CALN1: variants seen among roughly 807,000 people sequenced by gnomAD.
The protein encoded by CALN1 is calcium-binding protein 8.
A neutral mutation model predicts 30.6 loss-of-function variants in CALN1; 17 were observed. The ratio of observed to expected loss-of-function variants is 0.56; its 90% confidence interval spans 0.38 to 0.83. The LOEUF (loss-of-function observed/expected upper bound fraction) is 0.83, where lower values mean the gene tolerates loss of function less well. CALN1 is among the 40% of genes least tolerant of loss of function. The pLI, the probability that CALN1 is intolerant of heterozygous loss-of-function variation, is 0.00. For missense variants in CALN1, 291 were observed against 354.9 expected (o/e 0.82, Z 1.45); for synonymous variants, 156 against 131.4 (o/e 1.19, Z -1.28).
At chr7:71,818,676 A>AT (rs1788406363) in intron 5 of CALN1, among the ~76,000 whole-genome samples, 1 of 3,476 alleles carries the variant, frequency 2.9e-4, no homozygotes, top group Non-Finnish European at 9.1e-4. Context: ...AGCTTATTTT[A>AT]TTTATTTATT....
At chr7:72,370,273 A>T (rs987770933) in intron 2 of CALN1, among the ~76,000 whole-genome samples, 11 of 152,084 alleles carry the variant, frequency 7.2e-5, no homozygotes, top group African/African-American at 2.4e-4. Context: ...TTTTTGCTGT[A>T]TATATTTTAC....
At chr7:72,443,792 T>C (rs1808435178) in intron 1 of CALN1, among the ~76,000 whole-genome samples, 1 of 151,830 alleles carries the variant, frequency 6.6e-6, no homozygotes, top group African/African-American at 2.4e-5. Context: ...AGAGACCCTC[T>C]GCAAATGTTA....
intron 3 of CALN1, among the ~76,000 whole-genome samples, chr7:72,275,777 T>C (rs1319018765): frequency 1.3e-5 from 2 of 152,232 alleles, no homozygotes; most frequent in African/African-American, 4.8e-5. Context: ...ATTTCAGTGC[T>C]TCTCAAGCTG....
At chr7:72,130,213 G>C (rs1018304192) in intron 3 of CALN1, among the ~76,000 whole-genome samples, 1 of 152,122 alleles carries the variant, frequency 6.6e-6, no homozygotes, top group African/African-American at 2.4e-5. Flanking sequence ...AGAATCATGA[G>C]CCATATAAAC....
At chr7:72,344,499 A>T (rs904589777) in intron 2 of CALN1, among the ~76,000 whole-genome samples, 1 of 150,456 alleles carries the variant, frequency 6.6e-6, no homozygotes, top group African/African-American at 2.4e-5. Context: ...TGCACAGAAT[A>T]TAATTCCAAT....
intron 2 of CALN1, among the ~76,000 whole-genome samples, chr7:72,349,555 G>A (rs1434244781): frequency 6.6e-6 from 1 of 152,102 alleles, no homozygotes; most frequent in East Asian, 1.9e-4. Flanking sequence ...AAGAGAAGAT[G>A]TAATACTAAC....
chr7:72,243,138 T>G (rs917264182), intron 3 of CALN1, among the ~76,000 whole-genome samples: 3 of 151,996 alleles, frequency 2.0e-5, no homozygotes, highest in Non-Finnish European at 4.4e-5. Context: ...GGTAATTAGG[T>G]TTAGATGAGG....
intron 3 of CALN1, among the ~76,000 whole-genome samples, chr7:72,186,119 G>C (rs989321864): frequency 2.0e-5 from 3 of 151,978 alleles, no homozygotes; most frequent in Non-Finnish European, 2.9e-5. Context: ...ATGGAGTGCT[G>C]GTCACCTCCA....
chr7:72,095,461 C>A (rs1035583034), intron 4 of CALN1, among the ~76,000 whole-genome samples: 1 of 152,132 alleles, frequency 6.6e-6, no homozygotes, highest in Non-Finnish European at 1.5e-5. Flanking sequence ...GAGTTTAATG[C>A]TAATTATGCT....
chr7:71,983,068 T>C lies in CALN1; in HGVS notation c.501+40589A>G, dbSNP rs567673417. Among the ~76,000 whole-genome samples the C allele has an allele frequency of 4.5e-4, 68 of 152,322 alleles. 1 individual carries two copies. In the South Asian group the frequency reaches 0.011, roughly 25 times the overall value. On this transcript the variant is annotated intron_variant, in intron 5 of 6. Coordinates refer to ENST00000395275, the MANE Select transcript of CALN1 (RefSeq NM_031468.4). The stretch of plus-strand genomic sequence containing the variant: ...AACATCACACCTGGTCCAACCAATC[T>C]GTGGGCCCTATGTAAATCATGCACT...
At chr7:72,423,262 A>G (rs1488596514) in intron 1 of CALN1, among the ~76,000 whole-genome samples, 1 of 151,874 alleles carries the variant, frequency 6.6e-6, no homozygotes, top group African/African-American at 2.4e-5. Flanking sequence ...TTTTCTTTCA[A>G]GTTTTAATTT....
intron 1 of CALN1, among the ~76,000 whole-genome samples, chr7:72,404,677 T>A (rs144531361): frequency 1.0e-3 from 159 of 152,278 alleles, no homozygotes; most frequent in African/African-American, 3.7e-3. Flanking sequence ...TTCTACTCTC[T>A]CGATTCTGGT....
At chr7:72,331,175 C>A (rs1301244665) in intron 2 of CALN1, among the ~76,000 whole-genome samples, 2 of 152,034 alleles carry the variant, frequency 1.3e-5, no homozygotes, top group Non-Finnish European at 1.5e-5. Flanking sequence ...TATGGTGAAA[C>A]CCCGTCTCTA....
intron 2 of CALN1, among the ~76,000 whole-genome samples, chr7:72,330,530 G>T (rs1366930759): frequency 6.0e-5 from 9 of 150,242 alleles, no homozygotes; most frequent in Non-Finnish European, 1.2e-4. Context: ...AGCAGTGCTT[G>T]CATCTGTCTC....
chr7:72,398,773 A>C (rs2129561865), intron 2 of CALN1, among the ~76,000 whole-genome samples: 1 of 152,358 alleles, frequency 6.6e-6, no homozygotes, highest in African/African-American at 2.4e-5. Flanking sequence ...ACCTTGCTCC[A>C]ACCAAAGTGG....
At chr7:72,489,742 T>C in the CALN1 span, among the ~76,000 whole-genome samples, 4 of 152,186 alleles carry the variant, frequency 2.6e-5, no homozygotes, top group East Asian at 5.8e-4. Flanking sequence ...GTGGGTCCCA[T>C]GGTAGCCCCA....
At chr7:72,111,936 A>G (rs1807606407) in intron 3 of CALN1, among the ~76,000 whole-genome samples, 1 of 151,966 alleles carries the variant, frequency 6.6e-6, no homozygotes, top group Admixed American at 6.6e-5. Context: ...TTTTTAGTAG[A>G]GACGGTGTTT....
At chr7:72,261,542 A>T (rs1796275076) in intron 3 of CALN1, among the ~76,000 whole-genome samples, 1 of 151,932 alleles carries the variant, frequency 6.6e-6, no homozygotes, top group Non-Finnish European at 1.5e-5. Context: ...CTCCTGCCTC[A>T]GCATCACAAA....
intron 5 of CALN1, among the ~76,000 whole-genome samples, chr7:72,012,070 A>G (rs1379099390): frequency 6.6e-6 from 1 of 152,200 alleles, no homozygotes; most frequent in East Asian, 1.9e-4. Flanking sequence ...GGAAGGTTCT[A>G]TGGAACAGAG....
Sources: allele counts gnomAD v4.1 joint callset (sites outside exome capture counted in the v4.1 genomes callset), GRCh38; gene constraint gnomAD v4.1.1; transcripts MANE v1.5; gene names NCBI Gene and HGNC (gene_info 2026-07-23, HGNC 2026-07-21).